The following RAI2 variants were observed in gnomAD, a reference collection of about 807,000 sequenced individuals.
RAI2 encodes retinoic acid induced 2.
RAI2 carries 5 observed loss-of-function variants against 15.3 expected under a neutral mutation model. The ratio of observed to expected loss-of-function variants is 0.33; its 90% CI spans 0.17 to 0.69. RAI2 has a LOEUF of 0.69. Ranked by LOEUF, RAI2 falls within the 30% of genes least tolerant of loss-of-function variation. The pLI is 0.69. For synonymous variants in RAI2, 191 were observed against 184.0 expected (o/e 1.04, Z -0.31); for missense variants, 424 against 424.7 (o/e 1.00, Z 0.01).
rs73447882 is a variant in RAI2 at position 17,857,845 on chromosome X, C to T, written c.-25+3253G>A. 9.9e-3 allele frequency among the ~76,000 whole-genome samples: 1,116 copies of T among 112,178 alleles called. 10 individuals are homozygous for T. The highest frequency in any genetic ancestry group is 0.034 in the African/African-American group (1,050 of 30,867). On this transcript the variant is annotated intron_variant, in intron 1 of 1. Coordinates refer to ENST00000451717, the MANE Select transcript of RAI2 (RefSeq NM_021785.6). ...AAGGGTACAGTCTGTCCATCTGACA[C>T]AGGGTATTTCGGATCTATCTACTTG...
At chrX:17,837,286 C>T (rs1328995684) in intron 1 of RAI2, among the ~76,000 whole-genome samples, 3 of 111,896 alleles carry the variant, frequency 2.7e-5, no homozygotes, top group Non-Finnish European at 5.6e-5. Context: ...GACCAAAGCC[C>T]ACCAGTGTGC....
intron 1 of RAI2, among the ~76,000 whole-genome samples, chrX:17,808,564 A>G (rs1024452600): frequency 9.0e-6 from 1 of 111,192 alleles, no homozygotes; most frequent in Non-Finnish European, 1.9e-5. Context: ...GACCTTCTCA[A>G]TCGCCCATCT....
At chrX:17,860,482 G>T (rs2067674042) in intron 1 of RAI2, 1 of 112,736 alleles carries the variant, frequency 8.9e-6, no homozygotes, top group African/African-American at 3.2e-5. Context: ...GGGCACCGGG[G>T]CTCCCGGGGC....
chrX:17,841,094 A>AT (rs945377001), intron 1 of RAI2, among the ~76,000 whole-genome samples: 4 of 109,569 alleles, frequency 3.7e-5, no homozygotes, highest in South Asian at 7.9e-4. Flanking sequence ...TTTTTTTATT[A>AT]TTTTTTTGCT....
intron 1 of RAI2, among the ~76,000 whole-genome samples, chrX:17,853,184 G>A (rs1287667730): frequency 9.0e-6 from 1 of 111,114 alleles, no homozygotes; most frequent in Non-Finnish European, 1.9e-5. Flanking sequence ...TTCTTACAAT[G>A]TGCCCCCCAA....
At chrX:17,827,825 G>T (rs985432677) in intron 1 of RAI2, among the ~76,000 whole-genome samples, 3 of 111,653 alleles carry the variant, frequency 2.7e-5, no homozygotes, top group African/African-American at 9.8e-5. Context: ...ACTTTTTGGT[G>T]CCACCTCTGC....
rs765688566 is a variant in RAI2, at chrX:17,801,206, A to G, written c.805T>C (p.Ser269Pro). Residue 269 changes from serine (S) to proline (P), a missense_variant, in exon 2 of 2, where the codon TCT becomes CCT. Physicochemically the swap from Ser to Pro is moderately conservative, Grantham distance 74. Coordinates refer to ENST00000451717, the MANE Select transcript of RAI2 (RefSeq NM_021785.6). Reference sequence around the variant, plus strand: ...TTAAAGGGGTGCAGGCCGAAGGAAGATGGTGGCTTGGGGAAACTGGAGCTG... The same window carrying G: ...TTAAAGGGGTGCAGGCCGAAGGAAGGTGGTGGCTTGGGGAAACTGGAGCTG... ...KFSSSFPKPP[S>P]SFGLHPFKGT... 8.3e-7 allele frequency: 1 copy of G among 1,211,321 alleles called. No individual in the cohort carries two copies.
chrX:17,806,337 G>A (rs2066980866), intron 1 of RAI2, among the ~76,000 whole-genome samples: 1 of 112,011 alleles, frequency 8.9e-6, no homozygotes, highest in Non-Finnish European at 1.9e-5. Flanking sequence ...AGGTGACAGG[G>A]AACATTTCGT....
At chrX:17,849,973 A>G (rs1191407595) in intron 1 of RAI2, among the ~76,000 whole-genome samples, 1 of 111,785 alleles carries the variant, frequency 8.9e-6, no homozygotes, top group Non-Finnish European at 1.9e-5. Context: ...TGTCCAAGAT[A>G]CCCCATAACC....
At position 17,801,623 on chromosome X, in the gene RAI2, C is replaced by T. The variant is rs1186348212; in HGVS notation, c.388G>A (p.Val130Ile). ...AGAGGGGAGTTGAGGTGCTGAAAGA[C>T]GTGCTGCTCCAGCACCACGGGCAGT... ...VQLPVVLEQH[V>I]FQHLNSPLVL... The change falls in exon 2 of 2, where the codon GTC becomes ATC. Residue 130 changes from valine to isoleucine, a missense_variant. Physicochemically the swap from Val to Ile is conservative, Grantham distance 29 (BLOSUM62 3). Coordinates refer to ENST00000451717, the MANE Select transcript of RAI2 (RefSeq NM_021785.6). The T allele has an allele frequency of 1.2e-5, 14 of 1,209,585 alleles. No individual in the cohort carries two copies. The highest frequency in any genetic ancestry group is 3.5e-5 in the African/African-American group (2 of 57,118).
At chrX:17,836,776 G>A (rs1271155804) in intron 1 of RAI2, among the ~76,000 whole-genome samples, 2 of 112,375 alleles carry the variant, frequency 1.8e-5, no homozygotes, top group African/African-American at 3.2e-5. Context: ...CCTTGGGGAG[G>A]AGCATGGTTA....
intron 1 of RAI2, among the ~76,000 whole-genome samples, chrX:17,848,478 T>C (rs1351735184): frequency 9.2e-6 from 1 of 108,901 alleles, no homozygotes; most frequent in Non-Finnish European, 1.9e-5. Flanking sequence ...AACTACTTCT[T>C]TCCACCTGTA....
chrX:17,826,495 A>G (rs2067228388), intron 1 of RAI2, among the ~76,000 whole-genome samples: 1 of 111,401 alleles, frequency 9.0e-6, no homozygotes, highest in Non-Finnish European at 1.9e-5. Flanking sequence ...TGCTCAATGA[A>G]TATTTATTTG....
At chrX:17,825,166 A>C (rs1051861882) in intron 1 of RAI2, among the ~76,000 whole-genome samples, 2 of 112,819 alleles carry the variant, frequency 1.8e-5, no homozygotes, top group African/African-American at 6.4e-5. Flanking sequence ...GGGGGGAAAA[A>C]AATCAAAGGA....
At chrX:17,837,997 A>T (rs2067354454) in intron 1 of RAI2, among the ~76,000 whole-genome samples, 1 of 112,416 alleles carries the variant, frequency 8.9e-6, no homozygotes, top group Non-Finnish European at 1.9e-5. Context: ...CACAGCAATA[A>T]AAAGGAAGGA....
At chrX:17,809,848 C>T (rs1273803762) in intron 1 of RAI2, among the ~76,000 whole-genome samples, 1 of 111,237 alleles carries the variant, frequency 9.0e-6, no homozygotes, top group Non-Finnish European at 1.9e-5. Context: ...ACTTACTGCA[C>T]CCTCAACCTC....
At chrX:17,846,898 T>C (rs954680909) in intron 1 of RAI2, among the ~76,000 whole-genome samples, 2 of 112,169 alleles carry the variant, frequency 1.8e-5, no homozygotes, top group Non-Finnish European at 3.8e-5. Flanking sequence ...GTGGACATAA[T>C]TGAATCATGG....
intron 1 of RAI2, among the ~76,000 whole-genome samples, chrX:17,819,457 GC>G (rs1488180158): frequency 1.8e-5 from 2 of 112,216 alleles, no homozygotes; most frequent in Non-Finnish European, 3.8e-5. Context: ...GTAACTACCT[GC>G]CCTGTTGTCA....
chrX:17,844,676 T>C (rs1414868480), intron 1 of RAI2, among the ~76,000 whole-genome samples: 1 of 112,601 alleles, frequency 8.9e-6, no homozygotes, highest in Non-Finnish European at 1.9e-5. Flanking sequence ...TTGGTACTCA[T>C]ACACAAAGCT....
Sources: allele counts gnomAD v4.1 joint callset (sites outside exome capture counted in the v4.1 genomes callset), GRCh38; gene constraint gnomAD v4.1.1; transcripts MANE v1.5; gene names NCBI Gene and HGNC (gene_info 2026-07-23, HGNC 2026-07-21).